Variants in SBF2 observed in about 807,000 individuals in gnomAD.
SBF2 encodes the protein myotubularin-related protein 13.
In SBF2, 112 loss-of-function variants were observed where a neutral mutation model predicts 225.2. That is an observed-to-expected ratio of 0.50 (90% CI 0.43 to 0.58). SBF2 has a LOEUF of 0.58. Ranked by LOEUF, SBF2 falls within the 20% of genes least tolerant of loss-of-function variation. The pLI is 0.00. For synonymous variants in SBF2, 763 were observed against 773.3 expected, an observed-to-expected ratio of 0.99 and a Z score of 0.22; for missense variants, 1,996 against 2,206.2, an observed-to-expected ratio of 0.90 and a Z score of 1.91.
At chr11:9,839,745 T>A (rs754872370) in intron 25 of SBF2, 49 bp from the exon 26 acceptor site, 2 of 1,542,006 alleles carry the variant, frequency 1.3e-6, no homozygotes. Flanking sequence ...TCAAAGCAAT[T>A]GAGGTCTTCA....
chr11:10,105,715 A>G (rs1565234833), intron 2 of SBF2, among the ~76,000 whole-genome samples: 1 of 152,210 alleles, frequency 6.6e-6, no homozygotes, highest in African/African-American at 2.4e-5. Flanking sequence ...AAGGCACATG[A>G]CCTAACCTGT....
intron 2 of SBF2, among the ~76,000 whole-genome samples, chr11:10,193,642 G>C (rs796113589): frequency 6.6e-6 from 1 of 152,012 alleles, no homozygotes; most frequent in African/African-American, 2.4e-5. Context: ...ATGAGCCACC[G>C]CGCCTGGCCC....
intron 13 of SBF2, among the ~76,000 whole-genome samples, chr11:9,976,728 C>T (rs1411943358): frequency 6.6e-6 from 1 of 152,000 alleles, no homozygotes; most frequent in Non-Finnish European, 1.5e-5. Flanking sequence ...AACAATAAAA[C>T]ACATGTCCAA....
At chr11:9,795,247 C>T (rs775373574) in intron 33 of SBF2, among the ~76,000 whole-genome samples, 1 of 152,152 alleles carries the variant, frequency 6.6e-6, no homozygotes, top group Non-Finnish European at 1.5e-5. Context: ...ATTTATTGAG[C>T]GCTTACTATG....
intron 17 of SBF2, among the ~76,000 whole-genome samples, chr11:9,886,293 T>G (rs1315636057): frequency 6.6e-6 from 1 of 152,186 alleles, no homozygotes; most frequent in Non-Finnish European, 1.5e-5. Flanking sequence ...GATCTTCACA[T>G]GATTCTCCTG....
At chr11:9,880,868 CCT>C (rs1342083823) in intron 17 of SBF2, among the ~76,000 whole-genome samples, 1 of 152,088 alleles carries the variant, frequency 6.6e-6, no homozygotes, top group Non-Finnish European at 1.5e-5. Flanking sequence ...AAATTCTGCC[CCT>C]GTCAGCATTT....
chr11:10,082,114 C>G (rs967594016), intron 2 of SBF2, among the ~76,000 whole-genome samples: 2 of 152,090 alleles, frequency 1.3e-5, no homozygotes, highest in African/African-American at 4.8e-5. Flanking sequence ...TCTACATTCA[C>G]AAACTAGAAA....
intron 1 of SBF2, among the ~76,000 whole-genome samples, chr11:10,276,680 C>T (rs1308237820): frequency 6.6e-6 from 1 of 152,140 alleles, no homozygotes; most frequent in African/African-American, 2.4e-5. Context: ...CCTTTATGCA[C>T]CTTCAAGGAT....
intron 23 of SBF2, among the ~76,000 whole-genome samples, chr11:9,846,118 C>T (rs1023630789): frequency 3.3e-5 from 5 of 152,120 alleles, no homozygotes; most frequent in African/African-American, 4.8e-5. Flanking sequence ...AAAAGAAATC[C>T]ATTTGACTAG....
rs201642223 is a variant in SBF2, at chr11:9,830,756, A to C, written c.3653-1260T>G. 4.9e-4 allele frequency among the ~76,000 whole-genome samples: 74 copies of C among 151,400 alleles called. No individual in the cohort carries two copies. In the East Asian group the frequency reaches 0.014, roughly 29 times the overall value. ...CTCCAGCTCAAAAACAAAAAAAAAA[A>C]AACAAAAACAAAACAAAACAAAAAA... On this transcript the variant is annotated intron_variant, in intron 27 of 39. Coordinates refer to ENST00000256190, the MANE Select transcript of SBF2 (RefSeq NM_030962.4).
intron 2 of SBF2, among the ~76,000 whole-genome samples, chr11:10,162,602 T>A (rs1446753339): frequency 6.6e-6 from 1 of 152,174 alleles, no homozygotes; most frequent in Non-Finnish European, 1.5e-5. Flanking sequence ...AAATTTTTAA[T>A]AAAACAGTCA....
Position 9,787,646 on chromosome 11 carries a change from T to C in SBF2, c.5025A>G (p.Pro1675=), listed in dbSNP as rs1590083528. The change falls in exon 36 of 40, where the codon CCA becomes CCG. Residue 1675 remains proline (P), a synonymous_variant. Transcript: ENST00000256190. ...ERVTVDLKEE[P]RTDRSQRHLS... ...ATTGCCAACTCACGCGATCTGTTCT[T>C]GGTTCTTCTTTAAGGTCCACGGTTA... is the stretch of plus-strand genomic sequence containing the variant. 2.5e-6 allele frequency: 4 copies of C among 1,614,146 alleles called. No individual in the cohort carries two copies. Among genetic ancestry groups the C allele is most frequent in the Non-Finnish European group, 3.4e-6 (4 of 1,179,986 alleles).
intron 17 of SBF2, among the ~76,000 whole-genome samples, chr11:9,867,660 T>C (rs933266621): frequency 6.6e-6 from 1 of 152,190 alleles, no homozygotes; most frequent in African/African-American, 2.4e-5. Flanking sequence ...ACATGGTATA[T>C]ATACATAGTG....
At chr11:9,853,934 G>A (rs533942125) in intron 19 of SBF2, among the ~76,000 whole-genome samples, 25 of 152,276 alleles carry the variant, frequency 1.6e-4, no homozygotes, top group African/African-American at 5.5e-4. Context: ...GTTTCTGTAA[G>A]GAAATTTGTT....
intron 1 of SBF2, among the ~76,000 whole-genome samples, chr11:10,270,094 T>C (rs1443283236): frequency 6.6e-6 from 1 of 152,198 alleles, no homozygotes; most frequent in Non-Finnish European, 1.5e-5. Flanking sequence ...GATTAACTGA[T>C]AAATTTATTT....
intron 1 of SBF2, among the ~76,000 whole-genome samples, chr11:10,204,539 TGAGGCAGGAGAATGGCGTG>T (rs57023047): frequency 0.27 from 40,440 of 150,998 alleles, 5,626 homozygotes; most frequent in Middle Eastern, 0.34. Context: ...CTCAGGAGGC[TGAGGCAGGAGAATGGCGTG>T]GAGGCAGGAG....
At chr11:10,019,327 T>C (rs141259103) in intron 6 of SBF2, among the ~76,000 whole-genome samples, 1 of 152,314 alleles carries the variant, frequency 6.6e-6, no homozygotes, top group East Asian at 1.9e-4. Flanking sequence ...ATGGTACACG[T>C]GGTAAGCAGT....
At chr11:9,965,189 C>T (rs1866820700) in intron 14 of SBF2, among the ~76,000 whole-genome samples, 1 of 152,170 alleles carries the variant, frequency 6.6e-6, no homozygotes, top group Non-Finnish European at 1.5e-5. Context: ...AAGGCACAAT[C>T]CCTTCACCTT....
chr11:10,234,980 AC>A (rs1054098372), intron 1 of SBF2, among the ~76,000 whole-genome samples: 1 of 151,812 alleles, frequency 6.6e-6, no homozygotes, highest in African/African-American at 2.4e-5. Flanking sequence ...GTTACATGGC[AC>A]TTCCTACGTA....
Sources: allele counts gnomAD v4.1 joint callset (sites outside exome capture counted in the v4.1 genomes callset), GRCh38; gene constraint gnomAD v4.1.1; transcripts MANE v1.5; gene names NCBI Gene and HGNC (gene_info 2026-07-23, HGNC 2026-07-21).